Variants in MAPK10 observed in about 807,000 individuals in gnomAD.
MAPK10 encodes JNK3 alpha protein kinase.
MAPK10 carries 25 observed loss-of-function variants against 59.3 expected under a neutral mutation model. That is an observed-to-expected ratio of 0.42 (90% CI 0.31 to 0.59). The LOEUF is 0.59. MAPK10 is among the 20% of genes least tolerant of loss of function. MAPK10 has a pLI of 0.15. For synonymous variants in MAPK10, 190 were observed against 200.5 expected, an observed-to-expected ratio of 0.95 and a Z score of 0.44; for missense variants, 351 against 568.9, an observed-to-expected ratio of 0.62 and a Z score of 3.90.
At chr4:86,438,644 C>T (rs1044505580) in intron 1 of MAPK10, among the ~76,000 whole-genome samples, 7 of 147,626 alleles carry the variant, frequency 4.7e-5, no homozygotes, top group South Asian at 2.1e-4. Flanking sequence ...GAGCTGAGAT[C>T]GTGTCTTTGC....
chr4:86,529,421 A>G (rs1757704493), intron 1 of MAPK10, among the ~76,000 whole-genome samples: 1 of 152,150 alleles, frequency 6.6e-6, no homozygotes. Flanking sequence ...CCCCACCTCC[A>G]CCTAGAAAGG....
intron 1 of MAPK10, among the ~76,000 whole-genome samples, chr4:86,510,405 C>A (rs1218245841): frequency 1.3e-5 from 2 of 151,980 alleles, no homozygotes; most frequent in African/African-American, 4.8e-5. Context: ...GAGCCACCAC[C>A]CCTGGCCCAA....
At chr4:86,198,049 A>G (rs911956242) in intron 2 of MAPK10, among the ~76,000 whole-genome samples, 4 of 152,238 alleles carry the variant, frequency 2.6e-5, no homozygotes, top group African/African-American at 9.6e-5. Flanking sequence ...TAGTCATTGT[A>G]TGGGGATGGG....
intron 1 of MAPK10, among the ~76,000 whole-genome samples, chr4:86,574,542 T>C (rs991122875): frequency 2.0e-5 from 3 of 152,102 alleles, no homozygotes; most frequent in African/African-American, 7.2e-5. Flanking sequence ...AGTGTTCCTA[T>C]TTCTCCACAT....
rs545272885 is a variant in MAPK10, at chr4:86,328,345, G to A, written c.-7+26185C>T. ...AGAATGCAGATTATTAAAAAGTCAC[G>A]AAACAATAGATGCTGACAAGGCTGT... On this transcript the variant is annotated intron_variant, in intron 2 of 13. Coordinates refer to ENST00000641462, the MANE Select transcript of MAPK10 (RefSeq NM_138982.4). 1.2e-4 allele frequency among the ~76,000 whole-genome samples: 19 copies of A among 152,242 alleles called. No individual in the cohort carries two copies. In the East Asian group the frequency reaches 1.4e-3, roughly 11 times the overall value.
intron 11 of MAPK10, among the ~76,000 whole-genome samples, chr4:86,062,695 T>TA (rs2045968121): frequency 6.6e-6 from 1 of 152,112 alleles, no homozygotes. Context: ...TTATATAAAA[T>TA]GTTTATCAAC....
chr4:86,167,040 T>C (rs939936869), intron 3 of MAPK10, among the ~76,000 whole-genome samples: 1 of 152,132 alleles, frequency 6.6e-6, no homozygotes, highest in Admixed American at 6.5e-5. Flanking sequence ...ATAAAGGGGA[T>C]ATCACCACTG....
intron 9 of MAPK10, among the ~76,000 whole-genome samples, chr4:86,069,309 T>C (rs2047317907): frequency 6.6e-6 from 1 of 152,088 alleles, no homozygotes; most frequent in Admixed American, 6.5e-5. Flanking sequence ...ACATATTCTG[T>C]CAGTTATTGG....
chr4:86,246,957 C>A (rs898336972), intron 2 of MAPK10, among the ~76,000 whole-genome samples: 3 of 152,218 alleles, frequency 2.0e-5, no homozygotes, highest in African/African-American at 7.2e-5. Flanking sequence ...GGGTAGTGTG[C>A]AACCTAAGTT....
chr4:86,400,329 T>A, intron 1 of MAPK10, among the ~76,000 whole-genome samples: 1 of 152,114 alleles, frequency 6.6e-6, no homozygotes, highest in Non-Finnish European at 1.5e-5. Context: ...CAAGATAAAG[T>A]GTCGTATTAC....
chr4:86,550,374 TAAAAAAAAAAAAAAAAAAAA>T lies in MAPK10; in HGVS notation c.-263+43516_-263+43535del, dbSNP rs753508493. On this transcript the variant is annotated intron_variant, in intron 1 of 4. Coordinates refer to the MAPK10 transcript ENST00000502302. ...CAGAAGGGCTAAGCAGAGCTTCAGT[TAAAAAAAAAAAAAAAAAAAA>T]AAAAAAAAAAAAAAAAACTCCAGGC... 1.9e-3 allele frequency among the ~76,000 whole-genome samples: 149 copies of T among 77,392 alleles called. 1 individual carries two copies. The highest frequency in any genetic ancestry group is 6.4e-3 in the African/African-American group (91 of 14,124). 50.8% of individuals were successfully genotyped at this position (77,392 alleles called of 152,430 possible). A position where few individuals can be genotyped will look rare whatever the true frequency, so the allele number is the denominator to read the frequency against.
chr4:86,044,396 T>G (rs1234578846), intron 11 of MAPK10: 5 of 201,142 alleles, frequency 2.5e-5, no homozygotes, highest in Non-Finnish European at 4.0e-5. Flanking sequence ...AGGATATTTT[T>G]AAACTTCCCA....
upstream of MAPK10, among the ~76,000 whole-genome samples, chr4:86,364,910 G>A (rs915969982): frequency 1.3e-5 from 2 of 151,970 alleles, no homozygotes; most frequent in East Asian, 1.9e-4. Context: ...AACCCAGAAG[G>A]CAGAGGTTGC....
intron 11 of MAPK10, among the ~76,000 whole-genome samples, chr4:86,040,686 A>G (rs761626101): frequency 1.1e-4 from 16 of 152,184 alleles, no homozygotes; most frequent in Non-Finnish European, 2.2e-4. Flanking sequence ...AATGAAATCA[A>G]CAAAAATCAA....
At chr4:86,354,672 GTTTGAT>G in intron 1 of MAPK10, 28 bp from the exon 2 acceptor site, 2 of 914,514 alleles carry the variant, frequency 2.2e-6, no homozygotes, top group Non-Finnish European at 2.9e-6. Context: ...AAACAGATGA[GTTTGAT>G]TTTAAGATTT....
At chr4:86,304,827 A>C (rs2095538428) in intron 2 of MAPK10, among the ~76,000 whole-genome samples, 1 of 152,172 alleles carries the variant, frequency 6.6e-6, no homozygotes, top group African/African-American at 2.4e-5. Flanking sequence ...TGATGTACTT[A>C]ACATGTTGCT....
chr4:86,535,785 C>G (rs997967849), intron 1 of MAPK10, among the ~76,000 whole-genome samples: 4 of 152,148 alleles, frequency 2.6e-5, no homozygotes, highest in African/African-American at 9.6e-5. Flanking sequence ...ACAAGCTGAG[C>G]CAAAAGAATG....
chr4:86,439,806 G>A (rs1012096686), intron 1 of MAPK10, among the ~76,000 whole-genome samples: 1 of 151,926 alleles, frequency 6.6e-6, no homozygotes. Context: ...CAATCCAATA[G>A]GTGTCTAGTA....
chr4:86,172,279 G>T (rs1055308198), intron 3 of MAPK10, among the ~76,000 whole-genome samples: 90 of 144,238 alleles, frequency 6.2e-4, no homozygotes, highest in African/African-American at 1.5e-3. Context: ...GCACACGTAT[G>T]TTTATTGCGG....
Sources: gnomAD v4.1 joint callset for allele counts (sites outside exome capture counted in the v4.1 genomes callset) on GRCh38, gnomAD v4.1.1 for gene constraint, MANE v1.5 for transcripts, NCBI Gene and HGNC (gene_info 2026-07-23, HGNC 2026-07-21) for gene names.